The following TMEM208 variants were observed in gnomAD, a reference collection of about 807,000 sequenced individuals.
TMEM208 encodes transmembrane protein 208.
In TMEM208, 19 loss-of-function variants were observed where a neutral mutation model predicts 26.4. That is an observed-to-expected ratio of 0.72 (90% CI 0.50 to 1.06). The LOEUF is 1.06. TMEM208 is among the 50% of genes least tolerant of loss of function. The pLI is 0.00. For missense variants in TMEM208, 183 were observed against 219.8 expected, an observed-to-expected ratio of 0.83 and a Z score of 1.06; for synonymous variants, 93 against 83.1, an observed-to-expected ratio of 1.12 and a Z score of -0.65.
In TMEM208 at chr16:67,228,539, C is replaced by G; in HGVS notation, c.207C>G (p.His69Gln). The change falls in exon 4 of 6, where the codon CAC (histidine) becomes CAG (glutamine). Residue 69 changes from histidine to glutamine, a missense_variant. Coordinates refer to ENST00000304800, the MANE Select transcript of TMEM208 (RefSeq NM_014187.4). ...TGGCAGTGTATGGGGCCAGCTACCA[C>G]TCTATGAGCTCGATGGCACGAGCAG... ...FSLAVYGASY[H>Q]SMSSMARAAF... 1 of 1,611,734 alleles carries G rather than the reference C, an allele frequency of 6.2e-7. No homozygotes were observed. The highest frequency in any genetic ancestry group is 2.2e-5 in the East Asian group (1 of 44,830).
At position 67,227,168 on chromosome 16, in the gene TMEM208, C is replaced by G. The variant is rs1331905940; in HGVS notation, c.-51C>G. On this transcript the variant is annotated 5_prime_UTR_variant, in exon 1 of 6. Coordinates refer to ENST00000304800, the MANE Select transcript of TMEM208 (RefSeq NM_014187.4). ...CTGCCGATGTGGTGCTTAGTGATTG[C>G]GGTTTCGGTCGCTCTCCCGTGTTTC... is the stretch of plus-strand genomic sequence containing the variant. 13 of 1,606,674 alleles carry G rather than the reference C, an allele frequency of 8.1e-6. No homozygotes were observed. The highest frequency in any genetic ancestry group is 1.0e-5 in the Non-Finnish European group (12 of 1,175,336).
At chr16:67,227,692 G>A (rs1360445283) in intron 1 of TMEM208, 144 bp from the exon 2 acceptor site, 5 of 641,340 alleles carry the variant, frequency 7.8e-6, no homozygotes, top group Non-Finnish European at 1.1e-5. Flanking sequence ...ACTGGAGGAT[G>A]GGTGGACATC....
Position 67,228,460 on chromosome 16 carries a change from G to C in TMEM208, c.163-35G>C, listed in dbSNP as rs761091292. On this transcript the variant is annotated intron_variant, in intron 3 of 5. Coordinates refer to ENST00000304800, the MANE Select transcript of TMEM208 (RefSeq NM_014187.4). ...AGGTGGATGAGTGCGTAGGGTCAGT[G>C]GCTGGCCTTTGATACCCTCATTCTT... The C allele has an allele frequency of 1.5e-5, 25 of 1,613,856 alleles. No homozygotes were observed. The South Asian group carries it at 2.5e-4, about 16-fold the overall frequency.
intron 1 of TMEM208, 50 bp downstream of exon 1, chr16:67,227,274 G>T (rs747583219): frequency 1.9e-6 from 3 of 1,593,652 alleles, no homozygotes; most frequent in Non-Finnish European, 2.6e-6. Flanking sequence ...CTCTCCAGGG[G>T]CTGTGAGAGT....
At chr16:67,228,065 G>C in intron 2 of TMEM208, 134 bp downstream of exon 2, 1 of 738,230 alleles carries the variant, frequency 1.4e-6, no homozygotes, top group Non-Finnish European at 2.2e-6. Context: ...GAGAGATCTG[G>C]GCACAGAGAA....
chr16:67,228,121 G>A (rs1299464851), intron 2 of TMEM208, 190 bp downstream of exon 2: 1 of 651,132 alleles, frequency 1.5e-6, no homozygotes, highest in Admixed American at 2.9e-5. Context: ...GTGAGTCGTA[G>A]CTGAATTTGA....
rs752655909 is a variant in TMEM208 at position 67,228,797 on chromosome 16, G to C, written c.300G>C (p.Glu100Asp). Residue 100 changes from glutamate (E) to aspartate (D), a missense_variant and splice_region_variant, in exon 5 of 6, where the codon GAG (glutamate) becomes GAC (aspartate). By Grantham distance (45) the Glu-to-Asp change is conservative. Transcript: ENST00000304800. ...MDLNMEQGMA[E>D]HLKDVILLTA... ...TTTCCAGCTTTATTTCTATCCACAG[G>C]CACCTTAAGGATGTGATCCTACTGA... 6.2e-7 allele frequency: 1 copy of C among 1,611,456 alleles called. No individual in the cohort carries two copies. The highest frequency in any genetic ancestry group is 8.5e-7 in the Non-Finnish European group (1 of 1,178,888).
At chr16:67,228,069 C>T in intron 2 of TMEM208, 138 bp downstream of exon 2, 2 of 718,578 alleles carry the variant, frequency 2.8e-6, no homozygotes, top group South Asian at 3.8e-5. Context: ...GATCTGGGCA[C>T]AGAGAAAGTG....
chr16:67,227,747 T>C, intron 1 of TMEM208, 89 bp from the exon 2 acceptor site: 1 of 1,049,334 alleles, frequency 9.5e-7, no homozygotes, highest in South Asian at 1.5e-5. Context: ...CCTGGCTGAG[T>C]TGCGGATGGA....
In TMEM208 at chr16:67,228,263, C is replaced by G; in HGVS notation, c.103-92C>G. 5 of 1,438,046 alleles carry G rather than the reference C, an allele frequency of 3.5e-6. No homozygotes were observed. In the South Asian group the frequency reaches 5.7e-5, roughly 16 times the overall value. 89.1% of individuals were successfully genotyped at this position (1,438,046 alleles called of 1,614,324 possible). A position where few individuals can be genotyped will look rare whatever the true frequency, so the allele number is the denominator to read the frequency against. The stretch of plus-strand genomic sequence containing the variant: ...CCTGTAAGAACAACCTTGCTCCTCC[C>G]ACAGCCTGGCCTAATTCTTGGTCAG... On this transcript the variant is annotated intron_variant, in intron 2 of 5. Coordinates refer to ENST00000304800, the MANE Select transcript of TMEM208 (RefSeq NM_014187.4).
In TMEM208 at chr16:67,228,800, C is replaced by G; in HGVS notation, c.303C>G (p.His101Gln). 6.2e-7 allele frequency: 1 copy of G among 1,613,086 alleles called. No homozygotes were observed. The change falls in exon 5 of 6, where the codon CAC (histidine) becomes CAG (glutamine). Residue 101 changes from histidine to glutamine, a missense_variant. By Grantham distance (24) the His-to-Gln change is conservative. Transcript: ENST00000304800. ...CCAGCTTTATTTCTATCCACAGGCA[C>G]CTTAAGGATGTGATCCTACTGACAG... ...DLNMEQGMAEHLKDVILLTAI... is the reference protein window; with the variant it reads ...DLNMEQGMAEQLKDVILLTAI...
chr16:67,228,765 T>C (rs1449463923), intron 4 of TMEM208, 32 bp from the exon 5 acceptor site: 1 of 1,601,558 alleles, frequency 6.2e-7, no homozygotes. Flanking sequence ...AGGGCCCATA[T>C]GCTGTCTTTC....
In TMEM208 at chr16:67,228,582, G is replaced by T. The variant is rs1234222117; in HGVS notation, c.250G>T (p.Ala84Ser). 12 of 1,604,552 alleles carry T rather than the reference G, an allele frequency of 7.5e-6. No homozygotes were observed. The highest frequency in any genetic ancestry group is 1.7e-4 in the Middle Eastern group (1 of 6,028). ...ACGAGCAGCGTTCTCTGAGGATGGG[G>T]CCCTGATGGATGGTGGCATGGACCT... ...MARAAFSEDG[A>S]LMDGGMDLNM... is the part of the protein sequence containing the mutation. Residue 84 changes from alanine to serine, a missense_variant, in exon 4 of 6, where the codon GCC becomes TCC. Physicochemically the swap from Ala to Ser is moderately conservative, Grantham distance 99. Transcript: ENST00000304800.
Position 67,229,179 on chromosome 16 carries a change from G to A in TMEM208, c.*66G>A. ...TCTGTCAGGGTGCACAGCCCCTCAT[G>A]CCTGGAGCAATGAGGGTCTAGTCCA... On this transcript the variant is annotated 3_prime_UTR_variant, in exon 6 of 6. Coordinates refer to ENST00000304800, the MANE Select transcript of TMEM208 (RefSeq NM_014187.4). 1 of 1,485,082 alleles carries A rather than the reference G, an allele frequency of 6.7e-7. No homozygotes were observed. The highest frequency in any genetic ancestry group is 9.1e-7 in the Non-Finnish European group (1 of 1,103,804). 92.0% of individuals were successfully genotyped at this position (1,485,082 alleles called of 1,614,324 possible). A position where few individuals can be genotyped will look rare whatever the true frequency, so the allele number is the denominator to read the frequency against.
chr16:67,228,674 C>T, intron 4 of TMEM208, 43 bp downstream of exon 4: 3 of 1,542,574 alleles, frequency 1.9e-6, no homozygotes, highest in Non-Finnish European at 1.7e-6. Context: ...GGCCCCAGGG[C>T]TGGGGCCCAG....
At position 67,228,612 on chromosome 16, in the gene TMEM208, A is replaced by G. The variant is rs748015140; in HGVS notation, c.280A>G (p.Met94Val). 12 of 1,589,446 alleles carry G rather than the reference A, an allele frequency of 7.5e-6. No homozygotes were observed. The highest frequency in any genetic ancestry group is 9.4e-6 in the Non-Finnish European group (11 of 1,166,154). Residue 94 changes from methionine to valine, a missense_variant, in exon 4 of 6, where the codon ATG becomes GTG. Coordinates refer to ENST00000304800, the MANE Select transcript of TMEM208 (RefSeq NM_014187.4). ...GATGGATGGTGGCATGGACCTCAAC[A>G]TGGAGCAGGGCATGGCAGAGTGAGT... ...ALMDGGMDLNMEQGMAEHLKD... is the reference protein window; with the variant it reads ...ALMDGGMDLNVEQGMAEHLKD...
At position 67,227,186 on chromosome 16, in the gene TMEM208, CGT is replaced by C. The variant is rs769398725; in HGVS notation, c.-30_-29del. 1.2e-6 allele frequency: 2 copies of C among 1,610,868 alleles called. No individual in the cohort carries two copies. Among genetic ancestry groups the C allele is most frequent in the Non-Finnish European group, 8.5e-7 (1 of 1,177,950 alleles). On this transcript the variant is annotated 5_prime_UTR_variant, in exon 1 of 6. Coordinates refer to ENST00000304800, the MANE Select transcript of TMEM208 (RefSeq NM_014187.4). ...GTGATTGCGGTTTCGGTCGCTCTCC[CGT>C]GTTTCCCGGGCTGGGTATTTGCCTC...
Position 67,229,250 on chromosome 16 carries a change from G to T in TMEM208, c.*137G>T. ...GTATTGGGTATACTTATACTCTATA[G>T]GGTCGTTGAATAAATGGCTTAGAAT... On this transcript the variant is annotated 3_prime_UTR_variant, in exon 6 of 6. Coordinates refer to ENST00000304800, the MANE Select transcript of TMEM208 (RefSeq NM_014187.4). The T allele has an allele frequency of 1.1e-6, 1 of 879,824 alleles. No individual in the cohort carries two copies. The allele number at this position is 879,824 out of a possible 1,614,324, so 54.5% of individuals were successfully genotyped here. A position where few individuals can be genotyped will look rare whatever the true frequency, so the allele number is the denominator to read the frequency against.
At chr16:67,227,789 T>A in intron 1 of TMEM208, 47 bp from the exon 2 acceptor site, 2 of 1,473,290 alleles carry the variant, frequency 1.4e-6, no homozygotes, top group East Asian at 2.4e-5. Flanking sequence ...GTGGGGAGAA[T>A]GAGGAGGACC....
Sources: gnomAD v4.1 joint callset for allele counts on GRCh38, gnomAD v4.1.1 for gene constraint, MANE v1.5 for transcripts, NCBI Gene and HGNC (gene_info 2026-07-23, HGNC 2026-07-21) for gene names.